NCALD: variants seen among roughly 807,000 people sequenced by gnomAD.
NCALD encodes neurocalcin-delta.
A neutral mutation model predicts 18.6 loss-of-function variants in NCALD; 10 were observed. The observed-to-expected ratio is 0.54, with a 90% CI of 0.33 to 0.91. The LOEUF is 0.91. Among genes scored for constraint, NCALD ranks in the 40% least tolerant of loss-of-function variants. The pLI is 0.03. For missense variants in NCALD, 184 were observed against 247.6 expected (o/e 0.74, Z 1.72); for synonymous variants, 88 against 87.4 (o/e 1.01, Z -0.04).
intron 2 of NCALD, among the ~76,000 whole-genome samples, chr8:102,018,415 C>A (rs1822162131): frequency 6.6e-6 from 1 of 152,048 alleles, no homozygotes; most frequent in East Asian, 1.9e-4. Context: ...CTCAACAATA[C>A]AAAGGAACTA....
intron 2 of NCALD, among the ~76,000 whole-genome samples, chr8:101,985,962 G>C (rs556389049): frequency 3.8e-4 from 58 of 152,240 alleles, no homozygotes; most frequent in African/African-American, 1.3e-3. Context: ...TCACTCGCTT[G>C]TTCAAAAATA....
At chr8:101,959,303 A>G (rs1186421358) in intron 2 of NCALD, among the ~76,000 whole-genome samples, 3 of 152,090 alleles carry the variant, frequency 2.0e-5, no homozygotes, top group Non-Finnish European at 4.4e-5. Context: ...TTTGGTGGTA[A>G]CATCCCAGAA....
At chr8:101,829,201 A>C (rs1814070139) in intron 4 of NCALD, among the ~76,000 whole-genome samples, 1 of 152,200 alleles carries the variant, frequency 6.6e-6, no homozygotes, top group South Asian at 2.1e-4. Context: ...AATATTTGTT[A>C]TCAAAGAAAG....
At chr8:101,801,594 A>G (rs971985446) in intron 4 of NCALD, among the ~76,000 whole-genome samples, 4 of 140,100 alleles carry the variant, frequency 2.9e-5, no homozygotes, top group African/African-American at 7.8e-5. Context: ...TGCATTTCTC[A>G]GTTGTCCATG....
At chr8:101,943,711 C>T (rs534444478) in intron 2 of NCALD, among the ~76,000 whole-genome samples, 13 of 151,916 alleles carry the variant, frequency 8.6e-5, no homozygotes, top group South Asian at 2.1e-4. Context: ...GAGGCCGAGG[C>T]GGGCGGATCG....
chr8:101,786,421 A>G (rs565137924), intron 1 of NCALD, among the ~76,000 whole-genome samples: 1 of 152,292 alleles, frequency 6.6e-6, no homozygotes, highest in South Asian at 2.1e-4. Context: ...TGTGCTGCAC[A>G]TGATCCATGA....
intron 4 of NCALD, among the ~76,000 whole-genome samples, chr8:101,870,266 A>G (rs1815950160): frequency 6.6e-6 from 1 of 152,214 alleles, no homozygotes; most frequent in Admixed American, 6.5e-5. Flanking sequence ...ACTAAAGAGC[A>G]GTGTTAGAAA....
chr8:101,712,587 C>CAAAAAAAAAAAAAAA (rs201729096), intron 2 of NCALD, among the ~76,000 whole-genome samples: 38 of 78,890 alleles, frequency 4.8e-4, no homozygotes, highest in East Asian at 8.1e-4. Context: ...AAATGGAAAG[C>CAAAAAAAAAAAAAAA]AAAAAAAAAA....
chr8:101,878,152 T>C (rs1244585632), intron 4 of NCALD, among the ~76,000 whole-genome samples: 3 of 152,356 alleles, frequency 2.0e-5, no homozygotes, highest in East Asian at 3.9e-4. Flanking sequence ...TTAACATTAA[T>C]ATAATGAAGC....
At chr8:101,760,467 A>G (rs1811066169) in intron 1 of NCALD, among the ~76,000 whole-genome samples, 2 of 152,182 alleles carry the variant, frequency 1.3e-5, no homozygotes, top group African/African-American at 4.8e-5. Context: ...CATTCATCCT[A>G]AAGTAAATGC....
chr8:102,007,959 C>A (rs1321574334), intron 2 of NCALD, among the ~76,000 whole-genome samples: 1 of 152,200 alleles, frequency 6.6e-6, no homozygotes, highest in Non-Finnish European at 1.5e-5. Context: ...CATTCAGTGT[C>A]CTTTAGCCAG....
rs1344156924 is a variant in NCALD at position 102,036,135 on chromosome 8, A to AAATT, written c.-209-15847_-209-15846insAATT. On this transcript the variant is annotated intron_variant, in intron 1 of 6. Coordinates refer to the NCALD transcript ENST00000311028. ...AAGGCCCATCTCTACAAAAATAAATAAATAAATAAATTAATTAATTAATTA... is the reference window on the plus strand; with the variant it reads ...AAGGCCCATCTCTACAAAAATAAATAAATTAATAAATAAATTAATTAATTAATTA... 1.6e-4 allele frequency among the ~76,000 whole-genome samples: 24 copies of AAATT among 150,708 alleles called. No homozygotes were observed. The South Asian group carries it at 2.7e-3, about 17-fold the overall frequency.
At chr8:101,768,604 G>T (rs1811447796) in intron 1 of NCALD, among the ~76,000 whole-genome samples, 1 of 152,060 alleles carries the variant, frequency 6.6e-6, no homozygotes, top group South Asian at 2.1e-4. Flanking sequence ...AGCTACTTGG[G>T]AGGCTGAGGC....
chr8:101,788,560 T>C (rs1470277552), intron 1 of NCALD: 1 of 152,218 alleles, frequency 6.6e-6, no homozygotes, highest in Non-Finnish European at 1.5e-5. Flanking sequence ...AAAGCATGTA[T>C]CACAATTTTG....
intron 2 of NCALD, among the ~76,000 whole-genome samples, chr8:101,971,136 A>G (rs1200428664): frequency 6.6e-6 from 1 of 152,158 alleles, no homozygotes; most frequent in Non-Finnish European, 1.5e-5. Context: ...CATCAGAATC[A>G]TGAGCTAACT....
At chr8:102,053,663 G>C (rs117443943) in intron 1 of NCALD, among the ~76,000 whole-genome samples, 142 of 152,202 alleles carry the variant, frequency 9.3e-4, no homozygotes, top group Admixed American at 2.3e-3. Context: ...ATATACCAGA[G>C]GAATTAGATG....
intron 1 of NCALD, among the ~76,000 whole-genome samples, chr8:101,787,442 A>C (rs1264957419): frequency 2.0e-5 from 3 of 152,178 alleles, no homozygotes; most frequent in African/African-American, 7.2e-5. Flanking sequence ...AAAATGTCAT[A>C]GCTCCCATTC....
chr8:102,062,289 C>A (rs567704905), intron 1 of NCALD, among the ~76,000 whole-genome samples: 1 of 152,312 alleles, frequency 6.6e-6, no homozygotes, highest in East Asian at 1.9e-4. Flanking sequence ...TGTGACAGAG[C>A]AAGCTGCTGT....
intron 4 of NCALD, among the ~76,000 whole-genome samples, chr8:101,886,786 G>C (rs1009305517): frequency 6.6e-6 from 1 of 151,954 alleles, no homozygotes; most frequent in African/African-American, 2.4e-5. Flanking sequence ...AGTAAGGAGG[G>C]GTATAAATTA....
Sources: allele counts gnomAD v4.1 joint callset (sites outside exome capture counted in the v4.1 genomes callset), GRCh38; gene constraint gnomAD v4.1.1; transcripts MANE v1.5; gene names NCBI Gene and HGNC (gene_info 2026-07-23, HGNC 2026-07-21).